Variants in SETD2 observed in about 807,000 individuals in gnomAD.
The protein encoded by SETD2 is histone-lysine N-methyltransferase SETD2.
Under a neutral mutation model 242.1 loss-of-function variants are expected in SETD2, and 31 were observed. The ratio of observed to expected loss-of-function variants is 0.13; its 90% confidence interval spans 0.10 to 0.17. SETD2 has a LOEUF of 0.17. SETD2 is among the 10% of genes least tolerant of loss of function. The probability of loss-of-function intolerance (pLI) is 1.00; values close to 1 mark genes in which losing one functional copy is unlikely to be tolerated. For missense variants in SETD2, 2,481 were observed against 3,046.3 expected (o/e 0.81, Z 4.37); for synonymous variants, 1,006 against 1,066.5 (o/e 0.94, Z 1.11).
chr3:47,092,007 A>G (rs2041827123), intron 9 of SETD2, among the ~76,000 whole-genome samples: 1 of 152,196 alleles, frequency 6.6e-6, no homozygotes. Context: ...GACTGTTTAA[A>G]AACTCTAAAT....
In SETD2 at chr3:47,123,855, T is replaced by C. The variant is rs943821633; in HGVS notation, c.781A>G (p.Asn261Asp). Reference sequence around the variant, plus strand: ...TGAGTTACGTGTTCTTCTAAACTATTAGATATAGTGTCCTGCTTAGTATCT... The same window carrying C: ...TGAGTTACGTGTTCTTCTAAACTATCAGATATAGTGTCCTGCTTAGTATCT... ...EADTKQDTIS[N>D]SLEEHVTQIL... is the part of the protein sequence containing the mutation. Residue 261 changes from asparagine (N) to aspartate (D), a missense_variant, in exon 3 of 21, where the codon AAT becomes GAT. Around this residue, in one of 17 missense-constraint regions of SETD2, gnomAD observed 334 missense variants for 374.5 expected, o/e 0.89. Coordinates refer to ENST00000409792, the MANE Select transcript of SETD2 (RefSeq NM_014159.7). 6.4e-7 allele frequency: 1 copy of C among 1,550,664 alleles called. No homozygotes were observed. Among genetic ancestry groups the C allele is most frequent in the East Asian group, 2.4e-5 (1 of 40,920 alleles).
rs772794652 is a variant in SETD2, at chr3:47,017,797, T to C, written c.7432-58A>G. ...ACAGTCCAGAGAGGGCAAGGAGTTG[T>C]ACTGAGGAAATAACTAGAAAAGGTA... On this transcript the variant is annotated intron_variant, in intron 19 of 20. Coordinates refer to ENST00000409792, the MANE Select transcript of SETD2 (RefSeq NM_014159.7). The surrounding 1 kb of genome is among the most constrained non-coding windows in gnomAD (Gnocchi z 4.8). 4.0e-5 allele frequency: 47 copies of C among 1,188,228 alleles called. No individual in the cohort carries two copies. The highest frequency in any genetic ancestry group is 5.8e-5 in the Non-Finnish European group (46 of 792,486). The allele number at this position is 1,188,228 out of a possible 1,614,324, so 73.6% of individuals were successfully genotyped here.
chr3:47,083,877 G>A lies in SETD2; in HGVS notation c.5903C>T (p.Thr1968Ile), dbSNP rs2041423761. The change falls in exon 12 of 21, where the codon ACA (threonine) becomes ATA (isoleucine). Residue 1968 changes from threonine to isoleucine, a missense_variant. Transcript: ENST00000409792. ...AEIEPKESNG[T>I]KLEEPINEET... Reference sequence around the variant, plus strand: ...TTCATTAATAGGTTCTTCTAGTTTTGTGCCGTTGCTCTCTTTGGGCTCTAT... The same window carrying A: ...TTCATTAATAGGTTCTTCTAGTTTTATGCCGTTGCTCTCTTTGGGCTCTAT... The A allele has an allele frequency of 2.5e-6, 4 of 1,613,936 alleles. No individual in the cohort carries two copies. Among genetic ancestry groups the A allele is most frequent in the Non-Finnish European group, 3.4e-6 (4 of 1,180,008 alleles).
chr3:47,020,758 C>T (rs1461289874), intron 18 of SETD2, among the ~76,000 whole-genome samples: 1 of 152,160 alleles, frequency 6.6e-6, no homozygotes. Flanking sequence ...ATAGGTACTT[C>T]ACACTTTTTT....
At chr3:47,161,276 A>G (rs375756561) in intron 1 of SETD2, among the ~76,000 whole-genome samples, 9 of 152,308 alleles carry the variant, frequency 5.9e-5, no homozygotes, top group Admixed American at 2.0e-4. Context: ...AAGCCCCAGT[A>G]AGTTGTTAAC....
intron 18 of SETD2, among the ~76,000 whole-genome samples, chr3:47,024,600 C>A (rs991139572): frequency 2.0e-5 from 3 of 152,198 alleles, no homozygotes; most frequent in Admixed American, 6.5e-5. Context: ...TGCAGTGAGA[C>A]CAGATCACAC....
At chr3:47,106,155 C>A (rs2107697336) in intron 5 of SETD2, 35 bp from the exon 6 acceptor site, 2 of 1,594,720 alleles carry the variant, frequency 1.3e-6, no homozygotes, top group Non-Finnish European at 1.7e-6. Flanking sequence ...GCACTTCCTA[C>A]CTAGGAGCAG....
chr3:47,019,858 A>G lies in SETD2; in HGVS notation c.7351-18T>C. The G allele has an allele frequency of 3.7e-6, 6 of 1,607,984 alleles. No homozygotes were observed. Among genetic ancestry groups the G allele is most frequent in the Non-Finnish European group, 5.1e-6 (6 of 1,174,502 alleles). On this transcript the variant is annotated intron_variant, in intron 18 of 20. Coordinates refer to ENST00000409792, the MANE Select transcript of SETD2 (RefSeq NM_014159.7). ...TTCGAGGCCTAAAAATGGAGGAGAAAACACAGTGGTGCTGGCATGAGAAGT... is the reference window on the plus strand; with the variant it reads ...TTCGAGGCCTAAAAATGGAGGAGAAGACACAGTGGTGCTGGCATGAGAAGT...
At position 47,120,220 on chromosome 3, in the gene SETD2, G is replaced by A. The variant is rs2107739205; in HGVS notation, c.4416C>T (p.Tyr1472=). ...ECAKQGKMPC[Y]FDLIEENVYL... ...AAACATTTTCTTCAATAAGATCAAAGTAACATGGCATTTTCCCTTGCTTGG... is the reference window on the plus strand; with the variant it reads ...AAACATTTTCTTCAATAAGATCAAAATAACATGGCATTTTCCCTTGCTTGG... The change falls in exon 3 of 21, where the codon TAC becomes TAT. Residue 1472 remains tyrosine (Y), a synonymous_variant. Transcript: ENST00000409792. 6.4e-7 allele frequency: 1 copy of A among 1,573,734 alleles called. No homozygotes were observed.
intron 15 of SETD2, among the ~76,000 whole-genome samples, chr3:47,053,729 A>G (rs2039945623): frequency 6.6e-6 from 1 of 152,220 alleles, no homozygotes; most frequent in Non-Finnish European, 1.5e-5. Flanking sequence ...GGCTTCAACA[A>G]CACAAACTTC....
At chr3:47,027,675 T>C (rs1333794159) in intron 18 of SETD2, among the ~76,000 whole-genome samples, 1 of 152,206 alleles carries the variant, frequency 6.6e-6, no homozygotes, top group African/African-American at 2.4e-5. Context: ...ATTATGGTAA[T>C]GGCTGCATAA....
rs140549337 is a variant in SETD2 at position 47,120,767 on chromosome 3, G to C, written c.3869C>G (p.Ala1290Gly). Residue 1290 changes from alanine (A) to glycine (G), a missense_variant, in exon 3 of 21, where the codon GCA becomes GGA. By Grantham distance (60) the Ala-to-Gly change is moderately conservative. Transcript: ENST00000409792. ...ATCACGTGTCCCACCATACTGTTCTGCATTTTGCTGATACTTGTGTCCACC... is the reference window on the plus strand; with the variant it reads ...ATCACGTGTCCCACCATACTGTTCTCCATTTTGCTGATACTTGTGTCCACC... ...ACGGHKYQQN[A>G]EQYGGTRDYW... 1 of 1,614,066 alleles carries C rather than the reference G, an allele frequency of 6.2e-7. No individual in the cohort carries two copies. The highest frequency in any genetic ancestry group is 8.5e-7 in the Non-Finnish European group (1 of 1,180,048).
At chr3:47,096,627 A>G (rs2042018078) in intron 9 of SETD2, among the ~76,000 whole-genome samples, 1 of 150,852 alleles carries the variant, frequency 6.6e-6, no homozygotes. Flanking sequence ...TCATGCCTGT[A>G]ATCCCAGCAC....
At chr3:47,038,547 G>A (rs531466051) in intron 17 of SETD2, among the ~76,000 whole-genome samples, 2 of 152,122 alleles carry the variant, frequency 1.3e-5, no homozygotes, top group African/African-American at 2.4e-5. Context: ...CCTGGGAGGC[G>A]GAGGTTGCAG....
At chr3:47,155,071 TA>T (rs1308278990) in intron 1 of SETD2, among the ~76,000 whole-genome samples, 1 of 152,098 alleles carries the variant, frequency 6.6e-6, no homozygotes, top group Non-Finnish European at 1.5e-5. Context: ...TAGTACATAG[TA>T]ATAAAGTACT....
chr3:47,105,585 C>T (rs1031896134), intron 6 of SETD2: 11 of 315,134 alleles, frequency 3.5e-5, no homozygotes, highest in Middle Eastern at 8.3e-4. Flanking sequence ...AACAAATAGA[C>T]GCTATTTATA....
At position 47,097,956 on chromosome 3, in the gene SETD2, G is replaced by A. The variant is rs1214553514; in HGVS notation, c.5141C>T (p.Ser1714Leu). Residue 1714 changes from serine to leucine, a missense_variant and splice_region_variant, in exon 9 of 21, where the codon TCA becomes TTA. Transcript: ENST00000409792. ...GTTGAAAGAAAAATGCAAACTTACT[G>A]AATCCTTCTTACGAGATCGTTCCTT... Reference protein sequence around the residue: ...MKKERSRKKDSVDGELEALME... With the variant: ...MKKERSRKKDLVDGELEALME... 12 of 1,612,130 alleles carry A rather than the reference G, an allele frequency of 7.4e-6. No homozygotes were observed. Among genetic ancestry groups the A allele is most frequent in the South Asian group, 4.4e-5 (4 of 90,626 alleles).
intron 1 of SETD2, among the ~76,000 whole-genome samples, chr3:47,146,015 CA>C (rs1171574770): frequency 7.9e-3 from 304 of 38,652 alleles, no homozygotes; most frequent in Middle Eastern, 0.031. Flanking sequence ...GACCCTGTCT[CA>C]AAAAAAAAAA....
chr3:47,145,340 A>G (rs368750220), intron 1 of SETD2, among the ~76,000 whole-genome samples: 12 of 152,318 alleles, frequency 7.9e-5, no homozygotes, highest in African/African-American at 2.6e-4. Flanking sequence ...ATTTTATACA[A>G]TATTTTTTAA....
Sources: allele counts gnomAD v4.1 joint callset (sites outside exome capture counted in the v4.1 genomes callset), GRCh38; gene constraint gnomAD v4.1.1; regional missense constraint gnomAD v4.1.1; non-coding constraint Gnocchi (gnomAD v3.1); transcripts MANE v1.5; gene names NCBI Gene and HGNC (gene_info 2026-07-23, HGNC 2026-07-21).